The following CLASP1 variants were observed in gnomAD, a reference collection of about 807,000 sequenced individuals.
The protein encoded by CLASP1 is cytoplasmic linker associated protein 1.
In CLASP1, 38 loss-of-function variants were observed where a neutral mutation model predicts 192.3. The observed-to-expected ratio is 0.20, with a 90% confidence interval of 0.15 to 0.26. CLASP1 has a LOEUF of 0.26. Ranked by LOEUF, CLASP1 falls within the 10% of genes least tolerant of loss-of-function variation. CLASP1 has a pLI of 1.00. For missense variants in CLASP1, 1,433 were observed against 1,932.5 expected, an observed-to-expected ratio of 0.74 and a Z score of 4.85; for synonymous variants, 691 against 712.8, an observed-to-expected ratio of 0.97 and a Z score of 0.49.
intron 1 of CLASP1, 23 bp from the exon 2 acceptor site, chr2:121,606,203 G>A (rs146465581): frequency 1.1e-5 from 5 of 449,300 alleles, no homozygotes; most frequent in African/African-American, 5.9e-5. Flanking sequence ...AGAAGAGAAC[G>A]ACAAATTAGC....
chr2:121,639,495 G>C (rs2071604864), intron 1 of CLASP1, among the ~76,000 whole-genome samples: 1 of 152,238 alleles, frequency 6.6e-6, no homozygotes, highest in South Asian at 2.1e-4. Context: ...TGATGGAAAA[G>C]ATTTGGAAAC....
chr2:121,382,093 C>T (rs2071819752), intron 33 of CLASP1, 115 bp downstream of exon 34: 1 of 777,328 alleles, frequency 1.3e-6, no homozygotes, highest in African/African-American at 1.7e-5. Context: ...CTATGTGACA[C>T]CAAGGAAGGG....
In CLASP1 at chr2:121,604,661, C is replaced by T. The variant is rs573970043; in HGVS notation, c.195+1040G>A. 5.9e-5 allele frequency among the ~76,000 whole-genome samples: 9 copies of T among 151,972 alleles called. No homozygotes were observed. The South Asian group carries it at 1.2e-3, about 21-fold the overall frequency. On this transcript the variant is annotated intron_variant, in intron 2 of 39. Coordinates refer to ENST00000263710, the Ensembl canonical transcript of CLASP1. The stretch of plus-strand genomic sequence containing the variant: ...CCAGCCTGGGCGACAGAGCAAGACT[C>T]GGTCTAAAAAATAAATATACGAAGA...
chr2:121,459,899 C>G, intron 12 of CLASP1, 81 bp downstream of exon 12: 1 of 1,348,452 alleles, frequency 7.4e-7, no homozygotes, highest in Non-Finnish European at 9.9e-7. Flanking sequence ...AGAGACCCAG[C>G]TCACATGTTC....
At position 121,403,413 on chromosome 2, in the gene CLASP1, G is replaced by C. The variant is rs1307312312; in HGVS notation, c.2733+958C>G. On this transcript the variant is annotated intron_variant, in intron 26 of 39. Coordinates refer to ENST00000263710, the Ensembl canonical transcript of CLASP1. ...GATATTTCAAGGACAATTCCTACGAGGAAGCAAGGATAGGAAAAGAAAGAA... is the reference window on the plus strand; with the variant it reads ...GATATTTCAAGGACAATTCCTACGACGAAGCAAGGATAGGAAAAGAAAGAA... 4 of 456,660 alleles carry C rather than the reference G, an allele frequency of 8.8e-6. No individual in the cohort carries two copies. In the Admixed American group the frequency reaches 9.4e-5, roughly 11 times the overall value. The allele number at this position is 456,660 out of a possible 1,614,324, so 28.3% of individuals were successfully genotyped here.
chr2:121,499,178 T>C (rs1220684677), intron 8 of CLASP1, among the ~76,000 whole-genome samples: 1 of 152,056 alleles, frequency 6.6e-6, no homozygotes, highest in Non-Finnish European at 1.5e-5. Context: ...ACCCCAAACG[T>C]CCATCAACAG....
intron 16 of CLASP1, among the ~76,000 whole-genome samples, chr2:121,449,470 T>C (rs912896060): frequency 2.4e-4 from 37 of 152,150 alleles, no homozygotes; most frequent in African/African-American, 8.2e-4. Flanking sequence ...ATGGCAGCTA[T>C]TATACATGCA....
intron 1 of CLASP1, among the ~76,000 whole-genome samples, chr2:121,643,244 G>A (rs1267802328): frequency 2.0e-5 from 3 of 152,106 alleles, no homozygotes; most frequent in Non-Finnish European, 4.4e-5. Flanking sequence ...TCTAAAAGTA[G>A]TATTTTTCTA....
rs70954551 is a variant in CLASP1 at position 121,498,201 on chromosome 2, C to CTTTTTTTTTTTT, written c.712+4954_712+4965dup. On this transcript the variant is annotated intron_variant, in intron 8 of 39. Coordinates refer to ENST00000263710, the Ensembl canonical transcript of CLASP1. ...ACTGTGGTAAAATAGGTAATAGTTT[C>CTTTTTTTTTTTT]TTTTTTTTTTTTTTTTTTCTGAGAC... is the stretch of plus-strand genomic sequence containing the variant. Among the ~76,000 whole-genome samples the CTTTTTTTTTTTT allele has an allele frequency of 2.1e-4, 25 of 119,126 alleles. 2 individuals carry two copies. Among genetic ancestry groups the CTTTTTTTTTTTT allele is most frequent in the African/African-American group, 6.7e-4 (18 of 27,006 alleles). 78.2% of individuals were successfully genotyped at this position (119,126 alleles called of 152,430 possible). A position where few individuals can be genotyped will look rare whatever the true frequency, so the allele number is the denominator to read the frequency against.
At chr2:121,516,497 G>A (rs1383411001) in intron 6 of CLASP1, among the ~76,000 whole-genome samples, 1 of 152,216 alleles carries the variant, frequency 6.6e-6, no homozygotes, top group Non-Finnish European at 1.5e-5. Flanking sequence ...TCAGGAAGAG[G>A]AAGTACGCCG....
In CLASP1 at chr2:121,567,580, C is replaced by T. The variant is rs115404943; in HGVS notation, c.196-37255G>A. ...CTTGTAACTGGTTGGCTGTAATGTA[C>T]GACACGAGGTCCTCCCGTGCAAACG... On this transcript the variant is annotated intron_variant, in intron 2 of 39. Coordinates refer to ENST00000263710, the Ensembl canonical transcript of CLASP1. 8.3e-3 allele frequency among the ~76,000 whole-genome samples: 1,265 copies of T among 152,304 alleles called. 15 individuals carry two copies. Among genetic ancestry groups the T allele is most frequent in the African/African-American group, 0.028 (1,169 of 41,560 alleles).
intron 8 of CLASP1, chr2:121,470,682 T>C (rs1233390484): frequency 4.4e-6 from 2 of 453,042 alleles, no homozygotes; most frequent in Non-Finnish European, 8.8e-6. Context: ...CCAATAGTTT[T>C]AGGAATGAAA....
At chr2:121,453,991 C>A (rs2086095419) in intron 14 of CLASP1, among the ~76,000 whole-genome samples, 1 of 152,164 alleles carries the variant, frequency 6.6e-6, no homozygotes, top group Admixed American at 6.5e-5. Flanking sequence ...CTGACTGATA[C>A]CCACTGGCTA....
At chr2:121,418,199 T>C (rs1007894381) in intron 23 of CLASP1, among the ~76,000 whole-genome samples, 1 of 152,262 alleles carries the variant, frequency 6.6e-6, no homozygotes, top group African/African-American at 2.4e-5. Context: ...ATTGTACTTT[T>C]GTTCCTTCTT....
At chr2:121,430,098 G>T in exon 20 of CLASP1, 2 of 1,571,356 alleles carry the variant, frequency 1.3e-6, no homozygotes, top group Non-Finnish European at 1.7e-6. Flanking sequence ...CCACTTTAGC[G>T]CGACTGCGGC....
Position 121,605,608 on chromosome 2 carries a change from C to T in CLASP1, c.195+93G>A, listed in dbSNP as rs879213078. The T allele has an allele frequency of 4.1e-5, 34 of 839,330 alleles. No homozygotes were observed. In the Middle Eastern group the frequency reaches 6.9e-4, roughly 17 times the overall value. The allele number at this position is 839,330 out of a possible 1,614,324, so 52.0% of individuals were successfully genotyped here. On this transcript the variant is annotated intron_variant, in intron 2 of 39. Coordinates refer to ENST00000263710, the Ensembl canonical transcript of CLASP1. Reference sequence around the variant, plus strand: ...TCTTACTAGAAACCAAGGAAGCATGCTGACTGCTCACAAGGGATTTTTATA... The same window carrying T: ...TCTTACTAGAAACCAAGGAAGCATGTTGACTGCTCACAAGGGATTTTTATA...
intron 33 of CLASP1, among the ~76,000 whole-genome samples, chr2:121,381,191 A>G (rs2071556601): frequency 6.6e-6 from 1 of 152,224 alleles, no homozygotes; most frequent in African/African-American, 2.4e-5. Flanking sequence ...GGTGTTGTTA[A>G]AATATTTCAT....
chr2:121,490,650 A>G (rs1486182503), intron 8 of CLASP1, among the ~76,000 whole-genome samples: 1 of 152,240 alleles, frequency 6.6e-6, no homozygotes, highest in East Asian at 1.9e-4. Flanking sequence ...TTATTTCCAC[A>G]CAGAAAATAA....
intron 2 of CLASP1, among the ~76,000 whole-genome samples, chr2:121,580,266 T>A (rs1006706132): frequency 7.2e-5 from 11 of 152,200 alleles, no homozygotes; most frequent in Non-Finnish European, 1.5e-5. Flanking sequence ...TTACAACAAA[T>A]CTTTTATTTC....
Sources: allele counts gnomAD v4.1 joint callset (sites outside exome capture counted in the v4.1 genomes callset), GRCh38; gene constraint gnomAD v4.1.1; transcripts MANE v1.5; gene names NCBI Gene and HGNC (gene_info 2026-07-23, HGNC 2026-07-21).